Variants in LDLRAD4 observed in about 807,000 individuals in gnomAD.
The protein encoded by LDLRAD4 is low-density lipoprotein receptor class A domain-containing protein 4.
Under a neutral mutation model 17.0 loss-of-function variants are expected in LDLRAD4, and 5 were observed. The observed-to-expected ratio is 0.29, with a 90% CI of 0.15 to 0.62. The LOEUF is 0.62. Among genes scored for constraint, LDLRAD4 ranks in the 20% least tolerant of loss-of-function variants. LDLRAD4 has a pLI of 0.84. For synonymous variants in LDLRAD4, 168 were observed against 171.8 expected (o/e 0.98, Z 0.17); for missense variants, 340 against 424.7 (o/e 0.80, Z 1.75).
In LDLRAD4 at chr18:13,222,291, TTTG is replaced by T. The variant is rs1177374687; in HGVS notation, c.-467+3310_-467+3312del. Among the ~76,000 whole-genome samples, 8 of 152,314 alleles carry T rather than the reference TTTG, an allele frequency of 5.3e-5. No individual in the cohort carries two copies. In the South Asian group the frequency reaches 1.5e-3, roughly 28 times the overall value. Reference sequence around the variant, plus strand: ...GATCATTTCTGTTTGCATGGGTTCTTTTGTTGTTGGTTTTTTTTTCTTTTTCTT... The same window carrying T: ...GATCATTTCTGTTTGCATGGGTTCTTTTGTTGGTTTTTTTTTCTTTTTCTT... On this transcript the variant is annotated intron_variant, in intron 1 of 5. Transcript: ENST00000399848.
chr18:13,523,216 C>A (rs773751669), intron 3 of LDLRAD4, among the ~76,000 whole-genome samples: 88 of 152,166 alleles, frequency 5.8e-4, no homozygotes, highest in Admixed American at 9.2e-4. Flanking sequence ...AATTCAGTGA[C>A]CTAGGTGAAG....
chr18:13,331,485 T>G (rs1182391362), intron 1 of LDLRAD4, among the ~76,000 whole-genome samples: 4 of 152,244 alleles, frequency 2.6e-5, no homozygotes, highest in Non-Finnish European at 1.5e-5. Flanking sequence ...TTTCTGTAAC[T>G]GTTATCTGAC....
chr18:13,399,579 T>C (rs1297938485), intron 2 of LDLRAD4, among the ~76,000 whole-genome samples: 1 of 152,218 alleles, frequency 6.6e-6, no homozygotes, highest in African/African-American at 2.4e-5. Flanking sequence ...ACTCACTTTA[T>C]TGACCAAACT....
chr18:13,394,288 T>C (rs530289852), intron 2 of LDLRAD4, among the ~76,000 whole-genome samples: 1 of 152,280 alleles, frequency 6.6e-6, no homozygotes, highest in African/African-American at 2.4e-5. Flanking sequence ...AACCATTCTA[T>C]ACTGTTTCAA....
intron 1 of LDLRAD4, among the ~76,000 whole-genome samples, chr18:13,354,112 G>A (rs1253850302): frequency 1.3e-5 from 2 of 152,144 alleles, no homozygotes; most frequent in Non-Finnish European, 2.9e-5. Context: ...GGGAAGTTGA[G>A]TTGGGATGAT....
intron 1 of LDLRAD4, among the ~76,000 whole-genome samples, chr18:13,368,733 A>G (rs934933295): frequency 6.6e-6 from 1 of 152,220 alleles, no homozygotes; most frequent in Admixed American, 6.5e-5. Flanking sequence ...CTCATGGCCA[A>G]AGGCTCACCT....
At chr18:13,230,047 G>A (rs572813945) in intron 1 of LDLRAD4, among the ~76,000 whole-genome samples, 12 of 152,174 alleles carry the variant, frequency 7.9e-5, no homozygotes, top group Non-Finnish European at 2.9e-5. Context: ...AGTATTGAGC[G>A]ATGGGGCTTC....
intron 1 of LDLRAD4, among the ~76,000 whole-genome samples, chr18:13,264,574 G>A (rs926644926): frequency 8.5e-5 from 13 of 152,374 alleles, no homozygotes; most frequent in Admixed American, 2.6e-4. Flanking sequence ...CAGGGAAGCC[G>A]CTAGCCTGTT....
At chr18:13,484,649 T>C (rs2093174857) in intron 3 of LDLRAD4, among the ~76,000 whole-genome samples, 2 of 152,132 alleles carry the variant, frequency 1.3e-5, no homozygotes, top group Non-Finnish European at 2.9e-5. Context: ...CGAATCACTT[T>C]CTATCTCACT....
At chr18:13,371,508 C>T (rs2084508202) in intron 1 of LDLRAD4, among the ~76,000 whole-genome samples, 1 of 152,168 alleles carries the variant, frequency 6.6e-6, no homozygotes, top group Non-Finnish European at 1.5e-5. Context: ...GTGGCTCAAA[C>T]CTGTAATCCC....
chr18:13,593,418 C>T (rs1255750956), intron 3 of LDLRAD4, among the ~76,000 whole-genome samples: 6 of 152,210 alleles, frequency 3.9e-5, no homozygotes, highest in African/African-American at 9.6e-5. Context: ...CCTTTCCTCG[C>T]GATGCTTTCC....
chr18:13,457,279 C>T (rs1240162809), intron 3 of LDLRAD4, among the ~76,000 whole-genome samples: 3 of 152,210 alleles, frequency 2.0e-5, no homozygotes, highest in Non-Finnish European at 4.4e-5. Context: ...CAGTTTGCTC[C>T]AAGGATATTG....
intron 1 of LDLRAD4, among the ~76,000 whole-genome samples, chr18:13,293,527 G>A (rs2046090090): frequency 6.6e-6 from 1 of 152,218 alleles, no homozygotes; most frequent in African/African-American, 2.4e-5. Context: ...CCAGGCCAGT[G>A]TCTAGTTGGG....
chr18:13,418,344 A>G (rs2089127943), intron 2 of LDLRAD4, among the ~76,000 whole-genome samples: 1 of 152,218 alleles, frequency 6.6e-6, no homozygotes, highest in African/African-American at 2.4e-5. Flanking sequence ...CCAGGGACCC[A>G]AAGTCCTTTG....
intron 3 of LDLRAD4, among the ~76,000 whole-genome samples, chr18:13,549,581 T>C (rs1416749135): frequency 6.6e-6 from 1 of 151,608 alleles, no homozygotes; most frequent in Non-Finnish European, 1.5e-5. Context: ...TGAATCTGAG[T>C]GTCTGAGCTG....
At chr18:13,302,253 A>G (rs879696964) in intron 1 of LDLRAD4, among the ~76,000 whole-genome samples, 3 of 152,132 alleles carry the variant, frequency 2.0e-5, no homozygotes, top group South Asian at 2.1e-4. Flanking sequence ...TTTCATTTGG[A>G]AATGTGATTC....
intron 2 of LDLRAD4, among the ~76,000 whole-genome samples, chr18:13,391,655 C>A (rs1332138847): frequency 6.7e-6 from 1 of 148,888 alleles, no homozygotes; most frequent in African/African-American, 2.5e-5. Context: ...TCATTGTAAG[C>A]AAACTCGGAA....
rs1041502506 is a variant in LDLRAD4 at position 13,523,854 on chromosome 18, C to T, written c.181+85470C>T. Among the ~76,000 whole-genome samples, 12 of 152,204 alleles carry T rather than the reference C, an allele frequency of 7.9e-5. 1 individual carries two copies. The highest frequency in any genetic ancestry group is 1.5e-5 in the Non-Finnish European group (1 of 68,036). On this transcript the variant is annotated intron_variant, in intron 3 of 5. Transcript: ENST00000359446. ...TCTAAGGTTAAGGTGGTCCCAGCCCCACCCTTTGCAGCAGGAGACAGCCCA... is the reference window on the plus strand; with the variant it reads ...TCTAAGGTTAAGGTGGTCCCAGCCCTACCCTTTGCAGCAGGAGACAGCCCA...
rs74500415 is a variant in LDLRAD4 at position 13,442,923 on chromosome 18, T to G, written c.181+4539T>G. On this transcript the variant is annotated intron_variant, in intron 3 of 5. Coordinates refer to ENST00000359446, the Ensembl canonical transcript of LDLRAD4. ...AGAAGCCACAACTTTCCCTTTGAGC[T>G]TCAGTGGAATTTCCACTTAACTGAG... 4.6e-3 allele frequency among the ~76,000 whole-genome samples: 694 copies of G among 152,206 alleles called. 7 individuals are homozygous for G. The highest frequency in any genetic ancestry group is 0.015 in the South Asian group (71 of 4,804).
Sources: gnomAD v4.1 joint callset for allele counts (sites outside exome capture counted in the v4.1 genomes callset) on GRCh38, gnomAD v4.1.1 for gene constraint, MANE v1.5 for transcripts, NCBI Gene and HGNC (gene_info 2026-07-23, HGNC 2026-07-21) for gene names.